Variants in KIAA0825 observed in about 807,000 individuals in gnomAD.
KIAA0825 encodes uncharacterized protein KIAA0825.
A neutral mutation model predicts 147.6 loss-of-function variants in KIAA0825; 119 were observed. The observed-to-expected ratio is 0.81, with a 90% confidence interval of 0.69 to 0.94. The LOEUF (loss-of-function observed/expected upper bound fraction) is 0.94, where lower values mean the gene tolerates loss of function less well. Ranked by LOEUF, KIAA0825 falls within the 40% of genes least tolerant of loss-of-function variation. The pLI is 0.00. For missense variants in KIAA0825, 1,381 were observed against 1,472.7 expected (o/e 0.94, Z 1.02); for synonymous variants, 470 against 518.1 (o/e 0.91, Z 1.26).
intron 1 of KIAA0825, chr5:94,594,272 C>A: frequency 6.4e-6 from 4 of 627,108 alleles, no homozygotes; most frequent in Non-Finnish European, 1.2e-5. Context: ...GCTTGGAATG[C>A]CCTGAGTTTC....
At chr5:94,446,891 A>G (rs1225499387) in intron 13 of KIAA0825, among the ~76,000 whole-genome samples, 1 of 152,158 alleles carries the variant, frequency 6.6e-6, no homozygotes, top group Admixed American at 6.6e-5. Flanking sequence ...TAAGAGAGAG[A>G]TGATGGTAGT....
At chr5:94,444,688 G>C (rs1019718948) in intron 13 of KIAA0825, among the ~76,000 whole-genome samples, 6 of 151,830 alleles carry the variant, frequency 4.0e-5, no homozygotes, top group African/African-American at 1.2e-4. Context: ...CTGCAGCAGG[G>C]GGTACTGTAG....
chr5:94,180,527 A>G (rs571751822), intron 20 of KIAA0825, among the ~76,000 whole-genome samples: 17 of 152,216 alleles, frequency 1.1e-4, no homozygotes, highest in African/African-American at 3.9e-4. Context: ...AGTTTTGATA[A>G]ATATTCTTTG....
chr5:94,424,746 A>G (rs941425959), intron 14 of KIAA0825, among the ~76,000 whole-genome samples: 1 of 152,130 alleles, frequency 6.6e-6, no homozygotes, highest in Non-Finnish European at 1.5e-5. Flanking sequence ...AAATATAAAC[A>G]TAATAAACCA....
chr5:94,406,870 A>T (rs990508588), intron 15 of KIAA0825, among the ~76,000 whole-genome samples: 1 of 152,172 alleles, frequency 6.6e-6, no homozygotes, highest in African/African-American at 2.4e-5. Flanking sequence ...CCAGATTGTC[A>T]TGATTTGTCT....
chr5:94,475,004 G>T (rs190152461), intron 7 of KIAA0825, among the ~76,000 whole-genome samples: 1 of 151,772 alleles, frequency 6.6e-6, no homozygotes, highest in Non-Finnish European at 1.5e-5. Context: ...CAGGAGAATC[G>T]CTGGAACCTG....
intron 1 of KIAA0825, among the ~76,000 whole-genome samples, chr5:94,599,331 GTTTTTTT>G (rs57220290): frequency 2.0e-5 from 2 of 98,512 alleles, no homozygotes; most frequent in Non-Finnish European, 4.1e-5. Flanking sequence ...GATTATTTGG[GTTTTTTT>G]TTTTTTTTTT....
At chr5:94,310,144 G>A (rs1217655250) in intron 20 of KIAA0825, among the ~76,000 whole-genome samples, 1 of 151,576 alleles carries the variant, frequency 6.6e-6, no homozygotes, top group Non-Finnish European at 1.5e-5. Flanking sequence ...AAAAATTCAT[G>A]GTATTCCTAT....
chr5:94,262,020 A>C (rs1776519934), intron 20 of KIAA0825, among the ~76,000 whole-genome samples: 1 of 152,166 alleles, frequency 6.6e-6, no homozygotes, highest in Non-Finnish European at 1.5e-5. Flanking sequence ...TCTCAGAAGA[A>C]AATACCCCAA....
intron 20 of KIAA0825, among the ~76,000 whole-genome samples, chr5:94,284,168 T>C (rs914260765): frequency 3.3e-5 from 5 of 152,188 alleles, no homozygotes; most frequent in Admixed American, 6.6e-5. Flanking sequence ...GAATCACCAC[T>C]TTCCCATTTG....
intron 20 of KIAA0825, among the ~76,000 whole-genome samples, chr5:94,188,898 G>T (rs1283329996): frequency 1.3e-5 from 2 of 152,124 alleles, no homozygotes; most frequent in Non-Finnish European, 2.9e-5. Context: ...AACACTGTAT[G>T]AAAGTTTCAA....
At chr5:94,602,772 G>A (rs1360436234) in intron 1 of KIAA0825, among the ~76,000 whole-genome samples, 1 of 151,786 alleles carries the variant, frequency 6.6e-6, no homozygotes, top group African/African-American at 2.4e-5. Flanking sequence ...TAAGTTTCCT[G>A]AGGAACTGTG....
chr5:94,589,677 T>C (rs569165146), intron 1 of KIAA0825, among the ~76,000 whole-genome samples: 142 of 152,292 alleles, frequency 9.3e-4, no homozygotes, highest in African/African-American at 3.3e-3. Flanking sequence ...GCAAAAACTT[T>C]TCCCTTTTTT....
chr5:94,160,769 A>G (rs1583703402), intron 20 of KIAA0825, among the ~76,000 whole-genome samples: 2 of 152,042 alleles, frequency 1.3e-5, no homozygotes, highest in African/African-American at 4.8e-5. Flanking sequence ...TCAATAACAC[A>G]GAGTCCAAAC....
chr5:94,189,308 T>C (rs555945442), intron 20 of KIAA0825, among the ~76,000 whole-genome samples: 1 of 152,284 alleles, frequency 6.6e-6, no homozygotes. Context: ...TTCACAGTTT[T>C]TGTCTTTTGT....
At chr5:94,268,793 A>G (rs1776852556) in intron 20 of KIAA0825, among the ~76,000 whole-genome samples, 1 of 152,024 alleles carries the variant, frequency 6.6e-6, no homozygotes, top group Non-Finnish European at 1.5e-5. Flanking sequence ...AGTTCCTCCT[A>G]ATATTTGATT....
intron 3 of KIAA0825, among the ~76,000 whole-genome samples, chr5:94,534,172 A>G (rs1445606329): frequency 1.3e-5 from 2 of 152,190 alleles, no homozygotes; most frequent in Non-Finnish European, 2.9e-5. Context: ...CTACTGGGAG[A>G]TAAATAGAAC....
At chr5:94,486,246 T>C (rs529015567) in intron 5 of KIAA0825, among the ~76,000 whole-genome samples, 1 of 152,166 alleles carries the variant, frequency 6.6e-6, no homozygotes, top group African/African-American at 2.4e-5. Context: ...TAGCACAAAA[T>C]GCCTTTGGAG....
chr5:94,207,886 G>C (rs999971939), intron 20 of KIAA0825, among the ~76,000 whole-genome samples: 1 of 152,066 alleles, frequency 6.6e-6, no homozygotes, highest in Non-Finnish European at 1.5e-5. Flanking sequence ...ATGCTATATT[G>C]GGATATAAGA....
Sources: gnomAD v4.1 joint callset for allele counts (sites outside exome capture counted in the v4.1 genomes callset) on GRCh38, gnomAD v4.1.1 for gene constraint, MANE v1.5 for transcripts, NCBI Gene and HGNC (gene_info 2026-07-23, HGNC 2026-07-21) for gene names.